Variants in ZNF83 observed in about 807,000 individuals in gnomAD.
ZNF83 encodes zinc finger protein 83.
For synonymous variants in ZNF83, 209 were observed against 213.0 expected (o/e 0.98, Z 0.17); for missense variants, 552 against 629.9 (o/e 0.88, Z 1.32).
intron 1 of ZNF83, among the ~76,000 whole-genome samples, chr19:52,687,632 TGTATATATA>T (rs1568589088): frequency 1.0e-4 from 1 of 9,934 alleles, no homozygotes; most frequent in African/African-American, 5.5e-4. Flanking sequence ...ATATATATAA[TGTATATATA>T]TATATATATA....
At chr19:52,650,402 C>T (rs758934116) in intron 3 of ZNF83, 2 of 152,114 alleles carry the variant, frequency 1.3e-5, no homozygotes, top group African/African-American at 2.4e-5. Context: ...GTATTATAGG[C>T]ATGTGCCACA....
At position 52,681,929 on chromosome 19, in the gene ZNF83, C is replaced by A. The variant is rs1382700137; in HGVS notation, c.-283+8514G>T. Among the ~76,000 whole-genome samples the A allele has an allele frequency of 2.0e-5, 3 of 152,180 alleles. No individual in the cohort carries two copies. The East Asian group carries it at 5.8e-4, about 29-fold the overall frequency. ...GTGGCACAATCTCAGCTCACTGCAA[C>A]CTCGTTTGCCCAGGTCTAAGCAATT... On this transcript the variant is annotated intron_variant, in intron 1 of 5. Coordinates refer to the ZNF83 transcript ENST00000594682.
At chr19:52,661,456 G>C (rs1269384474) in intron 1 of ZNF83, among the ~76,000 whole-genome samples, 1 of 152,098 alleles carries the variant, frequency 6.6e-6, no homozygotes, top group African/African-American at 2.4e-5. Flanking sequence ...GTGGATCACA[G>C]ACTGACCTCA....
chr19:52,685,280 C>A (rs1472422843), intron 1 of ZNF83, among the ~76,000 whole-genome samples: 3 of 152,162 alleles, frequency 2.0e-5, no homozygotes, highest in African/African-American at 7.2e-5. Context: ...GACATTTTCA[C>A]CGAGTTACCC....
At chr19:52,619,135 G>A (rs2060436138) in intron 2 of ZNF83, 1 of 1,611,646 alleles carries the variant, frequency 6.2e-7, no homozygotes, top group Admixed American at 1.7e-5. Flanking sequence ...GAGGAGAGCG[G>A]TGACAACAAG....
At chr19:52,615,653 G>C (rs1208113926) in intron 2 of ZNF83, among the ~76,000 whole-genome samples, 3 of 152,136 alleles carry the variant, frequency 2.0e-5, no homozygotes, top group Admixed American at 2.0e-4. Context: ...GCACCACCCA[G>C]GAAGTGTTTT....
chr19:52,621,822 C>T (rs1351956457), intron 2 of ZNF83, among the ~76,000 whole-genome samples: 3 of 152,186 alleles, frequency 2.0e-5, no homozygotes, highest in Admixed American at 1.3e-4. Context: ...CTTTTGATTT[C>T]TCCATCCTAC....
At chr19:52,623,607 C>T (rs190178674) in intron 2 of ZNF83, among the ~76,000 whole-genome samples, 5 of 152,198 alleles carry the variant, frequency 3.3e-5, no homozygotes, top group East Asian at 1.9e-4. Context: ...GCCTCCTTCA[C>T]GTCTTCCTCT....
chr19:52,629,517 T>C (rs148850706), intron 2 of ZNF83, among the ~76,000 whole-genome samples: 3,959 of 152,210 alleles, frequency 0.026, 184 homozygotes, highest in African/African-American at 0.089. Flanking sequence ...CCCTGTAATC[T>C]TTTTATCACC....
At chr19:52,618,098 T>G (rs1168970626) in intron 2 of ZNF83, 1 of 152,178 alleles carries the variant, frequency 6.6e-6, no homozygotes, top group East Asian at 1.9e-4. Flanking sequence ...TTTTGTTTTG[T>G]TTTTGTTTTT....
intron 1 of ZNF83, among the ~76,000 whole-genome samples, chr19:52,686,672 C>T (rs1004034662): frequency 1.3e-5 from 2 of 152,062 alleles, no homozygotes; most frequent in Non-Finnish European, 2.9e-5. Context: ...CTCCCAGGTT[C>T]AAGTGATTGT....
chr19:52,672,486 G>C (rs1351645051), intron 1 of ZNF83, among the ~76,000 whole-genome samples: 2 of 152,208 alleles, frequency 1.3e-5, no homozygotes, highest in East Asian at 3.8e-4. Context: ...GGTGGCTTGT[G>C]CCTGTAATCC....
At chr19:52,656,729 G>C (rs563021674) in intron 2 of ZNF83, among the ~76,000 whole-genome samples, 54 of 152,136 alleles carry the variant, frequency 3.5e-4, no homozygotes, top group Non-Finnish European at 7.1e-4. Flanking sequence ...AGCTTGGTAT[G>C]GTGGTGTGCG....
intron 2 of ZNF83, among the ~76,000 whole-genome samples, chr19:52,634,495 T>TA (rs1212770920): frequency 6.6e-6 from 1 of 152,166 alleles, no homozygotes; most frequent in Admixed American, 6.5e-5. Flanking sequence ...TTCCTATTCT[T>TA]AAAATAATGA....
At chr19:52,687,569 ATAT>A (rs2062053991) in intron 1 of ZNF83, among the ~76,000 whole-genome samples, 1 of 59,410 alleles carries the variant, frequency 1.7e-5, no homozygotes, top group African/African-American at 6.5e-5. Context: ...TTTTATATAT[ATAT>A]AAATTTTATA....
chr19:52,634,814 C>T (rs576249827), intron 2 of ZNF83, among the ~76,000 whole-genome samples: 9 of 152,238 alleles, frequency 5.9e-5, no homozygotes, highest in African/African-American at 2.2e-4. Flanking sequence ...ACCCTCACCC[C>T]GTCTCCATCC....
chr19:52,620,222 GTATGTGTA>G (rs2060484113), intron 2 of ZNF83, among the ~76,000 whole-genome samples: 1 of 137,080 alleles, frequency 7.3e-6, no homozygotes, highest in Non-Finnish European at 1.6e-5. Context: ...ACGTATGTGT[GTATGTGTA>G]TATGTATATA....
At chr19:52,613,767 A>G in exon 3 of ZNF83, 2 of 1,608,982 alleles carry the variant, frequency 1.2e-6, no homozygotes, top group Non-Finnish European at 1.7e-6. Context: ...AGACCTTTCC[A>G]CATACATTAC....
chr19:52,619,836 A>G (rs1034935589), intron 2 of ZNF83, among the ~76,000 whole-genome samples: 6 of 152,150 alleles, frequency 3.9e-5, no homozygotes, highest in Middle Eastern at 3.4e-3. Flanking sequence ...GCAGTAATCC[A>G]AGATCACACC....
Sources: gnomAD v4.1 joint callset for allele counts (sites outside exome capture counted in the v4.1 genomes callset) on GRCh38, gnomAD v4.1.1 for gene constraint, MANE v1.5 for transcripts, NCBI Gene and HGNC (gene_info 2026-07-23, HGNC 2026-07-21) for gene names.